The following HDGFL3 variants were observed in gnomAD, a reference collection of about 807,000 sequenced individuals.
The protein encoded by HDGFL3 is HDGF like 3.
A neutral mutation model predicts 27.6 loss-of-function variants in HDGFL3; 6 were observed. That is an observed-to-expected ratio of 0.22 (90% CI 0.12 to 0.43). The LOEUF (loss-of-function observed/expected upper bound fraction) is 0.43, where lower values mean the gene tolerates loss of function less well. Among genes scored for constraint, HDGFL3 ranks in the 20% least tolerant of loss-of-function variants. HDGFL3 has a pLI of 1.00. For synonymous variants in HDGFL3, 88 were observed against 88.9 expected, an observed-to-expected ratio of 0.99 and a Z score of 0.05; for missense variants, 207 against 250.1, an observed-to-expected ratio of 0.83 and a Z score of 1.16.
intron 1 of HDGFL3, chr15:83,189,473 A>G (rs2037485279): frequency 6.6e-6 from 1 of 152,294 alleles, no homozygotes; most frequent in Non-Finnish European, 1.5e-5. Context: ...TTTTCCTCAG[A>G]ACATCCAACT....
Position 83,134,226 on chromosome 15 carries a change from T to G in HDGFL3, c.*5044A>C, listed in dbSNP as rs1042781085. On this transcript the variant is annotated 3_prime_UTR_variant, in exon 6 of 6. Coordinates refer to ENST00000299633, the MANE Select transcript of HDGFL3 (RefSeq NM_016073.4). ...CAATCTAATCTAAGGACATGAATCT[T>G]TTTTTTTTTTTAAAGACAGAGTCTC... is the stretch of plus-strand genomic sequence containing the variant. The G allele has an allele frequency of 1.4e-5, 2 of 146,628 alleles. No individual in the cohort carries two copies. The highest frequency in any genetic ancestry group is 2.5e-5 in the African/African-American group (1 of 40,208). The allele number at this position is 146,628 out of a possible 1,614,324, so 9.1% of individuals were successfully genotyped here.
chr15:83,204,470 G>C (rs112198838), intron 1 of HDGFL3, among the ~76,000 whole-genome samples: 5 of 152,134 alleles, frequency 3.3e-5, no homozygotes, highest in African/African-American at 1.2e-4. Flanking sequence ...TGTAGATAGA[G>C]GGAGGATATA....
Position 83,136,947 on chromosome 15 carries a change from T to C in HDGFL3, c.*2323A>G. 1 of 238,308 alleles carries C rather than the reference T, an allele frequency of 4.2e-6. No homozygotes were observed. Among genetic ancestry groups the C allele is most frequent in the Non-Finnish European group, 8.1e-6 (1 of 123,164 alleles). 14.8% of individuals were successfully genotyped at this position (238,308 alleles called of 1,614,324 possible). A position where few individuals can be genotyped will look rare whatever the true frequency, so the allele number is the denominator to read the frequency against. On this transcript the variant is annotated 3_prime_UTR_variant, in exon 6 of 6. Transcript: ENST00000299633. ...CAATATTGTTTGACATATAAAATAATTATAAGTGTAAAAAATTACAATTTA... is the reference window on the plus strand; with the variant it reads ...CAATATTGTTTGACATATAAAATAACTATAAGTGTAAAAAATTACAATTTA...
chr15:83,125,186 C>T (rs1256150210), downstream of HDGFL3, among the ~76,000 whole-genome samples: 2 of 152,158 alleles, frequency 1.3e-5, no homozygotes, highest in Non-Finnish European at 2.9e-5. Flanking sequence ...TTGAGGAAGG[C>T]GTACCAGTTC....
chr15:83,181,722 C>T (rs1472038592), intron 1 of HDGFL3, among the ~76,000 whole-genome samples: 7 of 152,156 alleles, frequency 4.6e-5, no homozygotes, highest in Non-Finnish European at 1.0e-4. Context: ...GTGATCTGCC[C>T]GCCTCAGCCT....
intron 1 of HDGFL3, among the ~76,000 whole-genome samples, chr15:83,180,554 C>G (rs12443424): frequency 0.25 from 37,744 of 150,346 alleles, 5,028 homozygotes; most frequent in African/African-American, 0.34. Context: ...GGGAAAATCA[C>G]AGTATGAAAA....
intron 1 of HDGFL3, among the ~76,000 whole-genome samples, chr15:83,199,533 C>T (rs118022329): frequency 2.4e-4 from 37 of 152,262 alleles, no homozygotes; most frequent in Non-Finnish European, 4.1e-4. Flanking sequence ...AGTCCCCATA[C>T]AGGCAACCTG....
At chr15:83,158,118 A>G (rs1183588839) in intron 2 of HDGFL3, 77 bp from the exon 3 acceptor site, 2 of 1,242,334 alleles carry the variant, frequency 1.6e-6, no homozygotes, top group African/African-American at 1.5e-5. Context: ...GTATCAGTGA[A>G]GATGTCAGAG....
At position 83,127,910 on chromosome 15, in the gene HDGFL3, A is replaced by G; in HGVS notation, c.*11360T>C. 1 of 162,224 alleles carries G rather than the reference A, an allele frequency of 6.2e-6. No individual in the cohort carries two copies. The highest frequency in any genetic ancestry group is 1.3e-5 in the Non-Finnish European group (1 of 74,984). The allele number at this position is 162,224 out of a possible 1,614,324, so 10.0% of individuals were successfully genotyped here. ...ACAGAACCAGGGAAACTGGTTTAAA[A>G]AATGTTCTGGGCCTGTCATTTCATT... On this transcript the variant is annotated 3_prime_UTR_variant, in exon 6 of 6. Transcript: ENST00000299633.
At chr15:83,199,021 C>T (rs558678246) in intron 1 of HDGFL3, among the ~76,000 whole-genome samples, 1 of 152,264 alleles carries the variant, frequency 6.6e-6, no homozygotes. Flanking sequence ...GTCAAAAAAC[C>T]TGAAAGCCGT....
chr15:83,188,221 A>C (rs1596565183), intron 1 of HDGFL3, among the ~76,000 whole-genome samples: 1 of 151,998 alleles, frequency 6.6e-6, no homozygotes, highest in Non-Finnish European at 1.5e-5. Context: ...CTGCCTATTA[A>C]TATCATTTCT....
chr15:83,184,171 A>T (rs1373514746), intron 1 of HDGFL3, among the ~76,000 whole-genome samples: 4 of 152,346 alleles, frequency 2.6e-5, no homozygotes, highest in African/African-American at 9.6e-5. Context: ...CAAAAATGAT[A>T]TGCGATATCA....
chr15:83,162,881 T>C (rs1304029105), intron 2 of HDGFL3, among the ~76,000 whole-genome samples: 1 of 152,234 alleles, frequency 6.6e-6, no homozygotes, highest in African/African-American at 2.4e-5. Flanking sequence ...ATTTGTTCCA[T>C]TTGTTTTTTG....
intron 1 of HDGFL3, among the ~76,000 whole-genome samples, chr15:83,206,223 ATT>A (rs537567970): frequency 1.3e-5 from 2 of 151,374 alleles, no homozygotes; most frequent in Non-Finnish European, 3.0e-5. Context: ...GAATGGGTGT[ATT>A]TTTTTTTCTT....
At chr15:83,206,565 A>G (rs1030348139) in intron 1 of HDGFL3, among the ~76,000 whole-genome samples, 1 of 152,218 alleles carries the variant, frequency 6.6e-6, no homozygotes, top group Non-Finnish European at 1.5e-5. Flanking sequence ...GTTATGTAGG[A>G]AGAGAGAGCT....
intron 1 of HDGFL3, among the ~76,000 whole-genome samples, chr15:83,203,850 A>C (rs1227005379): frequency 6.6e-6 from 1 of 151,386 alleles, no homozygotes; most frequent in African/African-American, 2.4e-5. Context: ...TGTATATATA[A>C]AGAAAATTTA....
chr15:83,172,695 C>T (rs2151411384), intron 1 of HDGFL3, among the ~76,000 whole-genome samples: 1 of 151,912 alleles, frequency 6.6e-6, no homozygotes, highest in East Asian at 1.9e-4. Flanking sequence ...AAACCTCATG[C>T]CTGTAATCCA....
chr15:83,200,411 C>T (rs576523817), intron 1 of HDGFL3, among the ~76,000 whole-genome samples: 1 of 152,168 alleles, frequency 6.6e-6, no homozygotes. Flanking sequence ...GGGAAGTCCC[C>T]AAATTCCCAG....
At chr15:83,200,044 C>CA (rs796608256) in intron 1 of HDGFL3, among the ~76,000 whole-genome samples, 23,008 of 83,512 alleles carry the variant, frequency 0.28, 2,944 homozygotes, top group African/African-American at 0.33. Flanking sequence ...AACTCCATCT[C>CA]AAAAAAAAAA....
Sources: gnomAD v4.1 joint callset for allele counts (sites outside exome capture counted in the v4.1 genomes callset) on GRCh38, gnomAD v4.1.1 for gene constraint, MANE v1.5 for transcripts, NCBI Gene and HGNC (gene_info 2026-07-23, HGNC 2026-07-21) for gene names.